Variants in CADPS2 observed in about 807,000 individuals in gnomAD.
The protein encoded by CADPS2 is calcium-dependent secretion activator 2.
CADPS2 carries 93 observed loss-of-function variants against 172.5 expected under a neutral mutation model. The observed-to-expected ratio is 0.54, with a 90% CI of 0.46 to 0.64. The LOEUF (loss-of-function observed/expected upper bound fraction) is 0.64. Among genes scored for constraint, CADPS2 ranks in the 30% least tolerant of loss-of-function variants. The pLI is 0.00. For missense variants in CADPS2, 1,420 were observed against 1,565.9 expected (o/e 0.91, Z 1.57); for synonymous variants, 546 against 555.2 (o/e 0.98, Z 0.23).
chr7:122,362,316 G>T (rs987034284), intron 25 of CADPS2, among the ~76,000 whole-genome samples: 2 of 152,138 alleles, frequency 1.3e-5, no homozygotes, highest in African/African-American at 4.8e-5. Flanking sequence ...ATGGAAAAGA[G>T]CACTGGACTC....
Position 122,886,327 on chromosome 7 carries a change from G to C in CADPS2, c.11C>G (p.Pro4Arg), listed in dbSNP as rs1356556434. The change falls in exon 1 of 30, where the codon CCG becomes CGG. Residue 4 changes from proline to arginine, a missense_variant. Physicochemically the swap from Pro to Arg is moderately radical, Grantham distance 103. Coordinates refer to ENST00000449022, the MANE Select transcript of CADPS2 (RefSeq NM_017954.11). ...GTCCGACTCCTCTTCGCTGGAAGAC[G>C]GGTCCAGCATGGTGCTCGGGGATCC... MLD[P>R]SSSEEESDEG... The C allele has an allele frequency of 4.0e-6, 6 of 1,502,434 alleles. No individual in the cohort carries two copies. Among genetic ancestry groups the C allele is most frequent in the Non-Finnish European group, 5.3e-6 (6 of 1,134,522 alleles). 93.1% of individuals were successfully genotyped at this position (1,502,434 alleles called of 1,614,324 possible). A position where few individuals can be genotyped will look rare whatever the true frequency, so the allele number is the denominator to read the frequency against.
chr7:122,376,665 AG>A (rs2042394032), intron 25 of CADPS2, among the ~76,000 whole-genome samples: 1 of 152,188 alleles, frequency 6.6e-6, no homozygotes. Flanking sequence ...TAGGGCCTAT[AG>A]AAAACAACAC....
chr7:122,487,742 A>G (rs1246880426), intron 11 of CADPS2, among the ~76,000 whole-genome samples: 1 of 152,216 alleles, frequency 6.6e-6, no homozygotes, highest in Non-Finnish European at 1.5e-5. Flanking sequence ...ACAACTGAAC[A>G]TTACACAGGT....
chr7:122,736,497 G>A (rs1210345090), intron 2 of CADPS2, among the ~76,000 whole-genome samples: 1 of 152,158 alleles, frequency 6.6e-6, no homozygotes, highest in East Asian at 1.9e-4. Context: ...AGAAACAGCA[G>A]AATGGTATTG....
chr7:122,821,931 C>T (rs1238597778), intron 1 of CADPS2, among the ~76,000 whole-genome samples: 1 of 152,034 alleles, frequency 6.6e-6, no homozygotes, highest in East Asian at 1.9e-4. Flanking sequence ...TTATTAGGCC[C>T]CAGTCTCATT....
At chr7:122,594,348 A>G (rs12539965) in intron 6 of CADPS2, among the ~76,000 whole-genome samples, 90,800 of 151,610 alleles carry the variant, frequency 0.6, 27,498 homozygotes, top group African/African-American at 0.7. Flanking sequence ...AAATATTGGG[A>G]AATGGGTTGG....
At chr7:122,461,758 C>T (rs911818830) in intron 14 of CADPS2, among the ~76,000 whole-genome samples, 4 of 152,214 alleles carry the variant, frequency 2.6e-5, no homozygotes, top group African/African-American at 9.6e-5. Flanking sequence ...CCATGCCTGG[C>T]TAATTTTTGC....
At position 122,663,243 on chromosome 7, in the gene CADPS2, T is replaced by C. The variant is rs1012156735; in HGVS notation, c.780A>G (p.Ala260=). 2.5e-6 allele frequency: 4 copies of C among 1,606,498 alleles called. No individual in the cohort carries two copies. The highest frequency in any genetic ancestry group is 8.5e-7 in the Non-Finnish European group (1 of 1,174,086). The change falls in exon 3 of 30, where the codon GCA becomes GCG. Residue 260 remains alanine, a synonymous_variant. Coordinates refer to ENST00000449022, the MANE Select transcript of CADPS2 (RefSeq NM_017954.11). The part of the protein sequence containing the change: ...KKLEHQLLYN[A]CQLDNADEQA... Reference sequence around the variant, plus strand: ...AATATCAGAGACCACTTACCTGACATGCATTATAAAGGAGCTGGTGTTCCA... The same window carrying C: ...AATATCAGAGACCACTTACCTGACACGCATTATAAAGGAGCTGGTGTTCCA...
chr7:122,645,138 A>G (rs1055574452), intron 3 of CADPS2, among the ~76,000 whole-genome samples: 7 of 151,042 alleles, frequency 4.6e-5, no homozygotes, highest in African/African-American at 1.7e-4. Context: ...CATACATAAA[A>G]ACCGTGGGAC....
intron 2 of CADPS2, among the ~76,000 whole-genome samples, chr7:122,708,823 A>G (rs1483569471): frequency 4.0e-5 from 6 of 151,864 alleles, no homozygotes; most frequent in Non-Finnish European, 1.5e-5. Flanking sequence ...GGAACTCATT[A>G]TTACTACTCT....
chr7:122,640,263 C>T (rs2077467865), intron 3 of CADPS2, among the ~76,000 whole-genome samples: 1 of 152,122 alleles, frequency 6.6e-6, no homozygotes, highest in Non-Finnish European at 1.5e-5. Flanking sequence ...TATTATGAGT[C>T]TGTGGCCAGG....
rs138802944 is a variant in CADPS2 at position 122,441,465 on chromosome 7, G to A, written c.2352+47C>T. 1.9e-4 allele frequency: 245 copies of A among 1,272,080 alleles called. No individual in the cohort carries two copies. The African/African-American group carries it at 3.1e-3, about 16-fold the overall frequency. 78.8% of individuals were successfully genotyped at this position (1,272,080 alleles called of 1,614,324 possible). A position where few individuals can be genotyped will look rare whatever the true frequency, so the allele number is the denominator to read the frequency against. On this transcript the variant is annotated intron_variant, in intron 16 of 29. Coordinates refer to ENST00000449022, the MANE Select transcript of CADPS2 (RefSeq NM_017954.11). ...CCTAGTTCAATAACTAAAATACACAGCAACTGAGAAAGCAAATAGTATTTA... is the reference window on the plus strand; with the variant it reads ...CCTAGTTCAATAACTAAAATACACAACAACTGAGAAAGCAAATAGTATTTA...
intron 2 of CADPS2, among the ~76,000 whole-genome samples, chr7:122,721,991 AC>A (rs767258821): frequency 6.6e-6 from 1 of 152,068 alleles, no homozygotes; most frequent in African/African-American, 2.4e-5. Context: ...AAATTCAACA[AC>A]CCTTCATGCT....
At chr7:122,588,782 G>A (rs1000512586) in intron 6 of CADPS2, among the ~76,000 whole-genome samples, 4 of 151,906 alleles carry the variant, frequency 2.6e-5, no homozygotes, top group African/African-American at 9.6e-5. Context: ...TCATGAAAAT[G>A]AGTAAGGACT....
chr7:122,751,933 C>G lies in CADPS2; in HGVS notation c.340-14865G>C, dbSNP rs17144793. ...GGCCAGGTCAAGTCCTTATTTACTC[C>G]CATTAGCATTTAGAAGCATTATCCT... On this transcript the variant is annotated intron_variant, in intron 1 of 29. Transcript: ENST00000449022. Among the ~76,000 whole-genome samples, 1,084 of 152,258 alleles carry G rather than the reference C, an allele frequency of 7.1e-3. 17 individuals carry two copies. The highest frequency in any genetic ancestry group is 0.055 in the East Asian group (283 of 5,170).
At chr7:122,726,208 G>A (rs1333105476) in intron 2 of CADPS2, among the ~76,000 whole-genome samples, 1 of 151,922 alleles carries the variant, frequency 6.6e-6, no homozygotes, top group Admixed American at 6.6e-5. Flanking sequence ...CTGTAAGGGG[G>A]ACTATGTCTT....
chr7:122,670,633 G>A (rs1008900140), intron 2 of CADPS2, among the ~76,000 whole-genome samples: 2 of 151,988 alleles, frequency 1.3e-5, no homozygotes, highest in Non-Finnish European at 2.9e-5. Flanking sequence ...GAGTATCTGG[G>A]AGTACAGGCA....
intron 20 of CADPS2, among the ~76,000 whole-genome samples, chr7:122,403,961 C>T (rs967982310): frequency 2.6e-5 from 4 of 152,194 alleles, no homozygotes; most frequent in African/African-American, 9.6e-5. Flanking sequence ...CATCATCTTA[C>T]CTAATTGCTT....
rs139313435 is a variant in CADPS2 at position 122,795,647 on chromosome 7, C to T, written c.340-58579G>A. Among the ~76,000 whole-genome samples the T allele has an allele frequency of 1.8e-3, 271 of 152,096 alleles. 1 individual carries two copies. Among genetic ancestry groups the T allele is most frequent in the African/African-American group, 6.0e-3 (251 of 41,502 alleles). Reference sequence around the variant, plus strand: ...TCTCAATCTATGTAGAAAAAACTTTCGATAAAATTCAACACCTATTCATGT... The same window carrying T: ...TCTCAATCTATGTAGAAAAAACTTTTGATAAAATTCAACACCTATTCATGT... On this transcript the variant is annotated intron_variant, in intron 1 of 29. Coordinates refer to ENST00000449022, the MANE Select transcript of CADPS2 (RefSeq NM_017954.11).
Sources: allele counts gnomAD v4.1 joint callset (sites outside exome capture counted in the v4.1 genomes callset), GRCh38; gene constraint gnomAD v4.1.1; transcripts MANE v1.5; gene names NCBI Gene and HGNC (gene_info 2026-07-23, HGNC 2026-07-21).